The following ELMO1 variants were observed in gnomAD, a reference collection of about 807,000 sequenced individuals.
ELMO1 encodes the protein engulfment and cell motility protein 1.
Under a neutral mutation model 98.9 loss-of-function variants are expected in ELMO1, and 26 were observed. The observed-to-expected ratio is 0.26, with a 90% CI of 0.19 to 0.36. ELMO1 has a LOEUF of 0.36. ELMO1 is among the 10% of genes least tolerant of loss of function. ELMO1 has a pLI of 1.00. For synonymous variants in ELMO1, 346 were observed against 346.0 expected (o/e 1.00, Z 0.00); for missense variants, 627 against 935.2 (o/e 0.67, Z 4.30).
At chr7:37,152,729 G>T (rs1002248760) in intron 13 of ELMO1, among the ~76,000 whole-genome samples, 2 of 152,156 alleles carry the variant, frequency 1.3e-5, no homozygotes, top group East Asian at 1.9e-4. Context: ...AGGAGAAAAG[G>T]CTCTGGTTTA....
rs181570458 is a variant in ELMO1, at chr7:37,167,155, T to G, written c.1087-33921A>C. Reference sequence around the variant, plus strand: ...AGTCTGTTTTATCAGAGACTAGGATTCCAACCCCTGCCTTTTTTTGTTTTC... The same window carrying G: ...AGTCTGTTTTATCAGAGACTAGGATGCCAACCCCTGCCTTTTTTTGTTTTC... On this transcript the variant is annotated intron_variant, in intron 13 of 21. Transcript: ENST00000310758. Among the ~76,000 whole-genome samples the G allele has an allele frequency of 2.8e-3, 430 of 152,170 alleles. 3 individuals are homozygous for G. The highest frequency in any genetic ancestry group is 1.0e-2 in the African/African-American group (414 of 41,498).
intron 18 of ELMO1, among the ~76,000 whole-genome samples, chr7:36,885,550 C>T (rs1328202822): frequency 2.0e-5 from 3 of 152,180 alleles, no homozygotes; most frequent in African/African-American, 4.8e-5. Flanking sequence ...ATCCCCAAAA[C>T]TTCTGTGCCC....
At chr7:37,210,065 G>A (rs1222933663) in intron 13 of ELMO1, among the ~76,000 whole-genome samples, 1 of 151,754 alleles carries the variant, frequency 6.6e-6, no homozygotes, top group African/African-American at 2.4e-5. Context: ...GGTTTTTTTA[G>A]TTTAAGAAAC....
At chr7:36,994,018 A>C (rs1024282836) in intron 16 of ELMO1, among the ~76,000 whole-genome samples, 27 of 152,236 alleles carry the variant, frequency 1.8e-4, no homozygotes, top group African/African-American at 6.5e-4. Context: ...TTTCACACAC[A>C]AAAAAATCCC....
chr7:37,132,595 A>G (rs980005321), intron 14 of ELMO1, among the ~76,000 whole-genome samples: 6 of 152,192 alleles, frequency 3.9e-5, no homozygotes, highest in Non-Finnish European at 8.8e-5. Context: ...AGCAGGTGGC[A>G]TCTTCCATTT....
chr7:37,109,950 G>A (rs1785157629), intron 14 of ELMO1, among the ~76,000 whole-genome samples: 1 of 152,224 alleles, frequency 6.6e-6, no homozygotes, highest in Non-Finnish European at 1.5e-5. Context: ...AGGGAAGAGA[G>A]TGTTGCAGGC....
At chr7:36,888,076 G>C (rs764819354) in intron 17 of ELMO1, among the ~76,000 whole-genome samples, 1 of 152,136 alleles carries the variant, frequency 6.6e-6, no homozygotes, top group Non-Finnish European at 1.5e-5. Flanking sequence ...TTTGTGATCT[G>C]ATTAAACAGG....
At chr7:37,061,709 T>C (rs920884052) in intron 15 of ELMO1, among the ~76,000 whole-genome samples, 2 of 152,138 alleles carry the variant, frequency 1.3e-5, no homozygotes, top group African/African-American at 4.8e-5. Context: ...ATAACGAGCA[T>C]GGATTATTTA....
At chr7:37,164,464 G>GT (rs1789488583) in intron 13 of ELMO1, among the ~76,000 whole-genome samples, 1 of 152,172 alleles carries the variant, frequency 6.6e-6, no homozygotes, top group African/African-American at 2.4e-5. Context: ...GGTTTTTATG[G>GT]TTTTAGGTCT....
chr7:37,366,438 C>T (rs1178265300), intron 1 of ELMO1, among the ~76,000 whole-genome samples: 1 of 152,186 alleles, frequency 6.6e-6, no homozygotes, highest in African/African-American at 2.4e-5. Flanking sequence ...TGTATAATCT[C>T]ATTTTATCAA....
chr7:37,219,710 C>CT, intron 10 of ELMO1, among the ~76,000 whole-genome samples: 1 of 152,204 alleles, frequency 6.6e-6, no homozygotes, highest in East Asian at 1.9e-4. Context: ...GACTCGAACT[C>CT]TGATTCTTAC....
At chr7:37,416,463 G>A (rs1319599670) in intron 1 of ELMO1, among the ~76,000 whole-genome samples, 1 of 152,180 alleles carries the variant, frequency 6.6e-6, no homozygotes, top group Non-Finnish European at 1.5e-5. Flanking sequence ...CTGAACCCCA[G>A]AAAGGACCTA....
Position 37,141,754 on chromosome 7 carries a change from G to T in ELMO1, c.1087-8520C>A, listed in dbSNP as rs182682367. Among the ~76,000 whole-genome samples the T allele has an allele frequency of 3.3e-3, 499 of 152,038 alleles. 6 individuals carry two copies. Among genetic ancestry groups the T allele is most frequent in the Non-Finnish European group, 4.1e-3 (278 of 68,006 alleles). On this transcript the variant is annotated intron_variant, in intron 13 of 21. Transcript: ENST00000310758. ...TTTCTCCAGGGCAATTTTGGTTAAA[G>T]GCAATTTTTTTTCTAACTTTGGTGC...
At chr7:37,251,789 T>C (rs1189202409) in intron 6 of ELMO1, among the ~76,000 whole-genome samples, 2 of 152,332 alleles carry the variant, frequency 1.3e-5, no homozygotes, top group South Asian at 2.1e-4. Flanking sequence ...GTAAGTCAAA[T>C]TGTCTCTGTT....
chr7:36,855,354 G>T lies in ELMO1; in HGVS notation c.*197C>A. ...AGTGACCTGAAGCAGTGGAGCCGAG[G>T]AACAGAATCAGGGCGGTGAGCAAGA... On this transcript the variant is annotated 3_prime_UTR_variant, in exon 22 of 22. Coordinates refer to ENST00000310758, the MANE Select transcript of ELMO1 (RefSeq NM_014800.11). The surrounding 1 kb of genome is among the most constrained non-coding windows in gnomAD (Gnocchi z 4.2). The T allele has an allele frequency of 1.6e-6, 1 of 635,382 alleles. No homozygotes were observed. The highest frequency in any genetic ancestry group is 2.7e-6 in the Non-Finnish European group (1 of 368,050). The allele number at this position is 635,382 out of a possible 1,614,324, so 39.4% of individuals were successfully genotyped here.
chr7:37,144,223 G>C (rs1787838206), intron 13 of ELMO1, among the ~76,000 whole-genome samples: 2 of 151,980 alleles, frequency 1.3e-5, no homozygotes, highest in African/African-American at 2.4e-5. Context: ...AAATATTTTG[G>C]GGTACAGAAT....
chr7:37,085,762 T>C (rs1426241802), intron 15 of ELMO1, among the ~76,000 whole-genome samples: 1 of 152,224 alleles, frequency 6.6e-6, no homozygotes, highest in Non-Finnish European at 1.5e-5. Context: ...GTCACTTTAA[T>C]ACTCATTTTA....
chr7:36,863,858 A>T (rs996436038), intron 20 of ELMO1, among the ~76,000 whole-genome samples: 1 of 152,194 alleles, frequency 6.6e-6, no homozygotes, highest in South Asian at 2.1e-4. Context: ...AATTTCAAAA[A>T]TTCATACAAA....
intron 16 of ELMO1, among the ~76,000 whole-genome samples, chr7:36,998,586 T>G (rs1471820582): frequency 6.6e-6 from 1 of 152,126 alleles, no homozygotes; most frequent in Non-Finnish European, 1.5e-5. Context: ...GCATGTATGT[T>G]CATTTCCAAA....
Sources: gnomAD v4.1 joint callset for allele counts (sites outside exome capture counted in the v4.1 genomes callset) on GRCh38, gnomAD v4.1.1 for gene constraint, Gnocchi (gnomAD v3.1) non-coding constraint, MANE v1.5 for transcripts, NCBI Gene and HGNC (gene_info 2026-07-23, HGNC 2026-07-21) for gene names.